The following NSD3 variants were observed in gnomAD, a reference collection of about 807,000 sequenced individuals.
NSD3 encodes the protein nuclear receptor binding SET domain protein 3, also known as histone-lysine N-methyltransferase NSD3.
NSD3 carries 24 observed loss-of-function variants against 160.8 expected under a neutral mutation model. That is an observed-to-expected ratio of 0.15 (90% CI 0.11 to 0.21). NSD3 has a LOEUF of 0.21. NSD3 is among the 10% of genes least tolerant of loss of function. The pLI is 1.00. For synonymous variants in NSD3, 520 were observed against 600.0 expected, an observed-to-expected ratio of 0.87 and a Z score of 1.95; for missense variants, 1,157 against 1,735.9, an observed-to-expected ratio of 0.67 and a Z score of 5.93.
chr8:38,311,070 T>A (rs1357221513), intron 12 of NSD3, among the ~76,000 whole-genome samples: 1 of 140,998 alleles, frequency 7.1e-6, no homozygotes, highest in Non-Finnish European at 1.5e-5. Context: ...TGCATTTCCC[T>A]GATTACTTTT....
At chr8:38,308,702 T>C (rs535730316) in intron 12 of NSD3, among the ~76,000 whole-genome samples, 3 of 152,114 alleles carry the variant, frequency 2.0e-5, no homozygotes, top group South Asian at 2.1e-4. Flanking sequence ...TGCCTGTGGT[T>C]CCACCTGCTC....
At chr8:38,311,430 G>A (rs1002650475) in intron 12 of NSD3, among the ~76,000 whole-genome samples, 7 of 152,184 alleles carry the variant, frequency 4.6e-5, no homozygotes, top group Admixed American at 2.6e-4. Flanking sequence ...GAGGTTCAAC[G>A]ATTCTCCTGC....
chr8:38,357,118 C>CAAAAAAAAA lies in NSD3; in HGVS notation c.-44-8912_-44-8904dup, dbSNP rs966483645. On this transcript the variant is annotated intron_variant, in intron 1 of 23. Coordinates refer to ENST00000317025, the MANE Select transcript of NSD3 (RefSeq NM_023034.2). The stretch of plus-strand genomic sequence containing the variant: ...TGGGTGACAAAGCAAGACACCATCT[C>CAAAAAAAAA]AAAAAAAAAAAAAAAAAAAAAAAAA... 6.6e-4 allele frequency among the ~76,000 whole-genome samples: 14 copies of CAAAAAAAAA among 21,316 alleles called. 2 individuals carry two copies. Among genetic ancestry groups the CAAAAAAAAA allele is most frequent in the East Asian group, 1.8e-3 (1 of 552 alleles). 14.0% of individuals were successfully genotyped at this position (21,316 alleles called of 152,430 possible). A position where few individuals can be genotyped will look rare whatever the true frequency, so the allele number is the denominator to read the frequency against.
At chr8:38,303,817 C>A (rs903428089) in intron 14 of NSD3, among the ~76,000 whole-genome samples, 4 of 152,112 alleles carry the variant, frequency 2.6e-5, no homozygotes, top group Non-Finnish European at 5.9e-5. Flanking sequence ...CAAACCAAAG[C>A]AATATTTAGG....
At position 38,314,699 on chromosome 8, in the gene NSD3, C is replaced by T; in HGVS notation, c.2190G>A (p.Leu730=). 1 of 1,614,186 alleles carries T rather than the reference C, an allele frequency of 6.2e-7. No individual in the cohort carries two copies. The highest frequency in any genetic ancestry group is 8.5e-7 in the Non-Finnish European group (1 of 1,180,038). Residue 730 remains leucine, a synonymous_variant, in exon 12 of 24, where the codon CTG becomes CTA. Transcript: ENST00000317025. ...TGCTATCAGGAAGTGATGCCAATCC[C>T]AGGCACTCCAGGTGAAAGTGTTTGC... ...ECCKHFHLEC[L]GLASLPDSKF...
At chr8:38,339,636 G>A (rs1810309999) in intron 2 of NSD3, among the ~76,000 whole-genome samples, 2 of 151,922 alleles carry the variant, frequency 1.3e-5, no homozygotes, top group Non-Finnish European at 2.9e-5. Context: ...TGGGGCAGGA[G>A]GATTGCTTGA....
At chr8:38,370,383 T>TC (rs1248496331) in intron 1 of NSD3, among the ~76,000 whole-genome samples, 2 of 150,510 alleles carry the variant, frequency 1.3e-5, no homozygotes, top group Admixed American at 6.6e-5. Context: ...CAGGAGAATT[T>TC]TTTTTTTTTT....
intron 1 of NSD3, among the ~76,000 whole-genome samples, chr8:38,364,277 AAACAACAACAAC>A (rs10672618): frequency 1.3e-5 from 2 of 149,294 alleles, no homozygotes; most frequent in Admixed American, 6.7e-5. Flanking sequence ...ACTCCGTCTC[AAACAACAACAAC>A]AACAACAACA....
intron 1 of NSD3, among the ~76,000 whole-genome samples, chr8:38,352,628 T>C (rs1237896788): frequency 2.6e-5 from 4 of 152,124 alleles, no homozygotes; most frequent in African/African-American, 9.7e-5. Flanking sequence ...TGTTTTGAGA[T>C]AGGGTCTCAC....
At chr8:38,310,106 T>TA (rs1267099912) in intron 12 of NSD3, among the ~76,000 whole-genome samples, 3 of 152,220 alleles carry the variant, frequency 2.0e-5, no homozygotes, top group Non-Finnish European at 4.4e-5. Context: ...TCAGTAGCAT[T>TA]AAGTACATTC....
Position 38,377,443 on chromosome 8 carries a change from G to A in NSD3, c.-45+4356C>T, listed in dbSNP as rs113480893. ...AGCTTACTGCGGCTTTCCCCCTCGG[G>A]GTTCAGGCAGTTCTCCCATCTCAGC... On this transcript the variant is annotated intron_variant, in intron 1 of 23. Transcript: ENST00000317025. Among the ~76,000 whole-genome samples the A allele has an allele frequency of 9.0e-3, 1,369 of 152,184 alleles. 18 individuals carry two copies. Among genetic ancestry groups the A allele is most frequent in the Middle Eastern group, 0.02 (6 of 294 alleles).
At chr8:38,315,574 A>G in intron 10 of NSD3, 30 bp from the exon 11 acceptor site, 6 of 1,608,674 alleles carry the variant, frequency 3.7e-6, no homozygotes, top group Non-Finnish European at 4.2e-6. Context: ...TTTTTAAGAA[A>G]AACAAAATGA....
At chr8:38,361,754 CAAAAAAAAAAAAAAA>C (rs756700150) in intron 1 of NSD3, among the ~76,000 whole-genome samples, 1 of 31,162 alleles carries the variant, frequency 3.2e-5, no homozygotes, top group Non-Finnish European at 6.8e-5. Context: ...GACTCCGTCT[CAAAAAAAAAAAAAAA>C]AAAAAAAAAA....
intron 1 of NSD3, among the ~76,000 whole-genome samples, chr8:38,350,612 C>T (rs1239875071): frequency 6.6e-6 from 1 of 152,142 alleles, no homozygotes; most frequent in Admixed American, 6.5e-5. Context: ...GCAGAAGCAT[C>T]TGGAGTACTT....
At chr8:38,296,564 T>C (rs1692854448) in intron 15 of NSD3, among the ~76,000 whole-genome samples, 1 of 152,050 alleles carries the variant, frequency 6.6e-6, no homozygotes, top group Non-Finnish European at 1.5e-5. Flanking sequence ...ACAGCAGTGG[T>C]TTGCAACTTT....
chr8:38,369,482 T>A (rs1811184693), intron 1 of NSD3, among the ~76,000 whole-genome samples: 1 of 152,226 alleles, frequency 6.6e-6, no homozygotes, highest in Non-Finnish European at 1.5e-5. Context: ...TTAACTTCTA[T>A]GAAAGTGAGT....
intron 1 of NSD3, among the ~76,000 whole-genome samples, chr8:38,356,057 C>G: frequency 1.3e-5 from 2 of 152,198 alleles, no homozygotes. Flanking sequence ...TCCACTCCCA[C>G]TCCCCAGAGT....
Position 38,278,303 on chromosome 8 carries a change from G to C in NSD3, c.3867+3C>G. On this transcript the variant is annotated splice_donor_region_variant and intron_variant, in intron 22 of 23. Coordinates refer to ENST00000317025, the MANE Select transcript of NSD3 (RefSeq NM_023034.2). ...ACTGGGGGCGCTCCCCTGCAAGACT[G>C]ACCTTTGGCCGCACTCCTAGAAAAC... 6.2e-7 allele frequency: 1 copy of C among 1,613,636 alleles called. No individual in the cohort carries two copies. The highest frequency in any genetic ancestry group is 2.2e-5 in the East Asian group (1 of 44,872).
At position 38,316,856 on chromosome 8, in the gene NSD3, T is replaced by C. The variant is rs1409855556; in HGVS notation, c.1856-814A>G. The stretch of plus-strand genomic sequence containing the variant: ...AATACAAATCCAGCCAAAACAATAG[T>C]GCAAAAAGTTACAAAGCAACAATCT... On this transcript the variant is annotated intron_variant, in intron 9 of 23. Coordinates refer to ENST00000317025, the MANE Select transcript of NSD3 (RefSeq NM_023034.2). This position sits in a 1 kb window ranked among gnomAD's most constrained non-coding sequence, Gnocchi z 4.5. 9.4e-7 allele frequency: 1 copy of C among 1,062,496 alleles called. No individual in the cohort carries two copies. The highest frequency in any genetic ancestry group is 1.1e-6 in the Non-Finnish European group (1 of 877,512). 65.8% of individuals were successfully genotyped at this position (1,062,496 alleles called of 1,614,324 possible). A position where few individuals can be genotyped will look rare whatever the true frequency, so the allele number is the denominator to read the frequency against.
Sources: allele counts gnomAD v4.1 joint callset (sites outside exome capture counted in the v4.1 genomes callset), GRCh38; gene constraint gnomAD v4.1.1; non-coding constraint Gnocchi (gnomAD v3.1); transcripts MANE v1.5; gene names NCBI Gene and HGNC (gene_info 2026-07-23, HGNC 2026-07-21).